The following GABRB2 variants were observed in gnomAD, a reference collection of about 807,000 sequenced individuals.
The protein encoded by GABRB2 is gamma-aminobutyric acid receptor subunit beta-2.
Under a neutral mutation model 54.7 loss-of-function variants are expected in GABRB2, and 16 were observed. The observed-to-expected ratio is 0.29, with a 90% CI of 0.20 to 0.44. GABRB2 has a LOEUF of 0.44. GABRB2 is among the 20% of genes least tolerant of loss of function. The probability of loss-of-function intolerance (pLI) is 1.00; values close to 1 mark genes in which losing one functional copy is unlikely to be tolerated. For missense variants in GABRB2, 355 were observed against 644.0 expected (o/e 0.55, Z 4.86); for synonymous variants, 244 against 233.8 (o/e 1.04, Z -0.40).
Position 161,418,020 on chromosome 5 carries a change from C to T in GABRB2, c.459-6963G>A, listed in dbSNP as rs187628758. 2.5e-4 allele frequency among the ~76,000 whole-genome samples: 38 copies of T among 152,308 alleles called. No individual in the cohort carries two copies. In the East Asian group the frequency reaches 7.1e-3, roughly 29 times the overall value. ...TCAGATTAGAGCTATTTGTACTCTT[C>T]TGCAGCTGTTTGGCCTTCTGTGACT... is the stretch of plus-strand genomic sequence containing the variant. On this transcript the variant is annotated intron_variant, in intron 4 of 9. Coordinates refer to ENST00000393959, the MANE Select transcript of GABRB2 (RefSeq NM_001371727.1).
Position 161,312,133 on chromosome 5 carries a change from A to T in GABRB2, c.1191+14235T>A, listed in dbSNP as rs570298870. ...AAGATGTAGAGGGAACTATGAATTC[A>T]CCTCACCCAGGGATGCCTTGTGCAG... On this transcript the variant is annotated intron_variant, in intron 9 of 9. Transcript: ENST00000393959. Among the ~76,000 whole-genome samples the T allele has an allele frequency of 1.9e-3, 282 of 152,146 alleles. 1 individual carries two copies. The highest frequency in any genetic ancestry group is 3.6e-3 in the Non-Finnish European group (245 of 68,002).
chr5:161,458,115 T>A (rs1456998509), intron 4 of GABRB2, among the ~76,000 whole-genome samples: 1 of 152,196 alleles, frequency 6.6e-6, no homozygotes. Context: ...CAGTCTTTTT[T>A]CATTCCCTAT....
At chr5:161,474,812 C>T (rs1298815550) in intron 3 of GABRB2, among the ~76,000 whole-genome samples, 2 of 151,928 alleles carry the variant, frequency 1.3e-5, no homozygotes, top group South Asian at 4.1e-4. Flanking sequence ...TTTATATCTG[C>T]TCATAACTTT....
At chr5:161,310,919 C>A (rs528358776) in intron 9 of GABRB2, among the ~76,000 whole-genome samples, 1 of 152,112 alleles carries the variant, frequency 6.6e-6, no homozygotes, top group Non-Finnish European at 1.5e-5. Flanking sequence ...CACCACCACG[C>A]CCGGCTAATT....
At chr5:161,319,489 T>C (rs1354590449) in intron 9 of GABRB2, among the ~76,000 whole-genome samples, 1 of 150,328 alleles carries the variant, frequency 6.7e-6, no homozygotes, top group Non-Finnish European at 1.5e-5. Context: ...ATGTTACCCT[T>C]ATAATTTGAA....
chr5:161,531,131 C>T (rs1018127792), intron 3 of GABRB2, among the ~76,000 whole-genome samples: 12 of 152,046 alleles, frequency 7.9e-5, no homozygotes, highest in Non-Finnish European at 1.2e-4. Context: ...GCTTGAACAA[C>T]GAAAGGCACA....
intron 1 of GABRB2, 71 bp downstream of exon 1, chr5:161,546,496 C>T (rs571822979): frequency 6.4e-7 from 1 of 1,571,188 alleles, no homozygotes; most frequent in South Asian, 1.1e-5. Context: ...CTACATTTCC[C>T]TGCTCACAGA....
intron 3 of GABRB2, among the ~76,000 whole-genome samples, chr5:161,460,805 T>A (rs1758101937): frequency 6.6e-6 from 1 of 152,166 alleles, no homozygotes; most frequent in South Asian, 2.1e-4. Context: ...CATGTAAAAT[T>A]ATGCTACATT....
chr5:161,511,826 A>G (rs1759778797), intron 3 of GABRB2, among the ~76,000 whole-genome samples: 1 of 151,946 alleles, frequency 6.6e-6, no homozygotes, highest in African/African-American at 2.4e-5. Flanking sequence ...CCTTTTTATG[A>G]GAACACTGGT....
At chr5:161,331,234 A>G in intron 7 of GABRB2, 107 bp from the exon 8 acceptor site, 1 of 1,314,174 alleles carries the variant, frequency 7.6e-7, no homozygotes, top group Non-Finnish European at 1.0e-6. Flanking sequence ...TATATGCCAC[A>G]ATCTATTTAT....
intron 3 of GABRB2, among the ~76,000 whole-genome samples, chr5:161,465,113 C>T (rs1030913847): frequency 6.6e-6 from 1 of 152,118 alleles, no homozygotes; most frequent in Non-Finnish European, 1.5e-5. Flanking sequence ...CCTAGGTCCA[C>T]ATCCCAGTAT....
intron 3 of GABRB2, among the ~76,000 whole-genome samples, chr5:161,526,417 T>C (rs979820416): frequency 1.3e-5 from 2 of 151,464 alleles, no homozygotes; most frequent in African/African-American, 4.8e-5. Flanking sequence ...TCACACACAT[T>C]GTGTCAGTTA....
Position 161,362,769 on chromosome 5 carries a change from C to CA in GABRB2, c.542-26001dup, listed in dbSNP as rs201741536. On this transcript the variant is annotated intron_variant, in intron 5 of 9. Coordinates refer to ENST00000393959, the MANE Select transcript of GABRB2 (RefSeq NM_001371727.1). ...GACATTTATGCAGCCAACAAACATA[C>CA]AAAAAAAAAGCTCGTAGTCACTGGT... Among the ~76,000 whole-genome samples the CA allele has an allele frequency of 1.7e-3, 250 of 150,614 alleles. 1 individual carries two copies. In the East Asian group the frequency reaches 0.018, roughly 11 times the overall value.
chr5:161,528,709 G>T (rs1192061251), intron 3 of GABRB2, among the ~76,000 whole-genome samples: 1 of 151,612 alleles, frequency 6.6e-6, no homozygotes, highest in Non-Finnish European at 1.5e-5. Flanking sequence ...TAAATATTAG[G>T]CATATATGTA....
chr5:161,296,163 T>C (rs1757375281), intron 9 of GABRB2, among the ~76,000 whole-genome samples: 1 of 152,216 alleles, frequency 6.6e-6, no homozygotes, highest in African/African-American at 2.4e-5. Context: ...TTGACTATTA[T>C]AGTAGAAATG....
intron 9 of GABRB2, among the ~76,000 whole-genome samples, chr5:161,302,520 C>A (rs1470784250): frequency 6.6e-6 from 1 of 152,126 alleles, no homozygotes; most frequent in African/African-American, 2.4e-5. Flanking sequence ...CACAGGCTTA[C>A]CTTGCAAAGG....
chr5:161,389,772 C>T lies in GABRB2; in HGVS notation c.541+21203G>A, dbSNP rs143562439. Among the ~76,000 whole-genome samples the T allele has an allele frequency of 5.1e-4, 77 of 152,012 alleles. No homozygotes were observed. In the East Asian group the frequency reaches 0.014, roughly 27 times the overall value. ...TAACTCAAAAACCTCTAGGATACATCTCAAAGGTAATATTTTACATGGGTT... is the reference window on the plus strand; with the variant it reads ...TAACTCAAAAACCTCTAGGATACATTTCAAAGGTAATATTTTACATGGGTT... On this transcript the variant is annotated intron_variant, in intron 5 of 9. Coordinates refer to ENST00000393959, the MANE Select transcript of GABRB2 (RefSeq NM_001371727.1).
chr5:161,522,543 T>A (rs1308728611), intron 3 of GABRB2, among the ~76,000 whole-genome samples: 1 of 151,792 alleles, frequency 6.6e-6, no homozygotes, highest in African/African-American at 2.4e-5. Flanking sequence ...TTTTTCTACT[T>A]CTTTCCAACT....
Position 161,394,182 on chromosome 5 carries a change from A to G in GABRB2, c.541+16793T>C, listed in dbSNP as rs1187565565. On this transcript the variant is annotated intron_variant, in intron 5 of 9. Coordinates refer to ENST00000393959, the MANE Select transcript of GABRB2 (RefSeq NM_001371727.1). Reference sequence around the variant, plus strand: ...TATTTTAAAAACAGCATGAAAATACATTAAGATTTTGGGAAAGTGAATAAA... The same window carrying G: ...TATTTTAAAAACAGCATGAAAATACGTTAAGATTTTGGGAAAGTGAATAAA... Among the ~76,000 whole-genome samples the G allele has an allele frequency of 2.0e-5, 3 of 152,084 alleles. No individual in the cohort carries two copies. In the East Asian group the frequency reaches 5.8e-4, roughly 29 times the overall value.
Sources: gnomAD v4.1 joint callset for allele counts (sites outside exome capture counted in the v4.1 genomes callset) on GRCh38, gnomAD v4.1.1 for gene constraint, MANE v1.5 for transcripts, NCBI Gene and HGNC (gene_info 2026-07-23, HGNC 2026-07-21) for gene names.